The following ACTA2 variants were observed in gnomAD, a reference collection of about 807,000 sequenced individuals.
The protein encoded by ACTA2 is actin alpha 2, smooth muscle, also known as actin, aortic smooth muscle.
Under a neutral mutation model 39.5 loss-of-function variants are expected in ACTA2, and 12 were observed. The ratio of observed to expected loss-of-function variants is 0.30; its 90% CI spans 0.19 to 0.49. The LOEUF (loss-of-function observed/expected upper bound fraction) is 0.49, where lower values mean the gene tolerates loss of function less well. ACTA2 is among the 20% of genes least tolerant of loss of function. The probability of loss-of-function intolerance (pLI) is 0.99; values close to 1 mark genes in which losing one functional copy is unlikely to be tolerated. For missense variants in ACTA2, 236 were observed against 498.8 expected (o/e 0.47, Z 5.02); for synonymous variants, 158 against 180.6 (o/e 0.88, Z 1.00).
intron 4 of ACTA2, 91 bp downstream of exon 4, chr10:88,943,706 T>C: frequency 9.3e-7 from 1 of 1,075,776 alleles, no homozygotes; most frequent in Middle Eastern, 2.2e-4. Context: ...GACTCCTAGC[T>C]CCGGCCTTCT....
chr10:88,935,524 A>C, intron 8 of ACTA2, 158 bp from the exon 9 acceptor site: 1 of 810,368 alleles, frequency 1.2e-6, no homozygotes, highest in Non-Finnish European at 2.0e-6. Context: ...TAATTGTGTC[A>C]TGTTCTTGGC....
chr10:88,940,393 T>C (rs1845826484), intron 6 of ACTA2: 1 of 156,018 alleles, frequency 6.4e-6, no homozygotes, highest in South Asian at 1.9e-4. Context: ...GGATTCTTTG[T>C]AGGGAGCAGA....
chr10:88,941,222 GC>G lies in ACTA2; in HGVS notation c.616+6del. On this transcript the variant is annotated splice_donor_region_variant and intron_variant, in intron 6 of 8. Transcript: ENST00000224784. ...CCCCTCTCCCCCTTATCTCCCACAG[GC>G]CTCACCAGTAGTAACGAAGGAATAG... 2 of 1,613,802 alleles carry G rather than the reference GC, an allele frequency of 1.2e-6. No individual in the cohort carries two copies. The highest frequency in any genetic ancestry group is 3.3e-5 in the Admixed American group (2 of 60,010).
chr10:88,982,729 A>G (rs1846741960), intron 1 of ACTA2, among the ~76,000 whole-genome samples: 1 of 152,202 alleles, frequency 6.6e-6, no homozygotes, highest in Non-Finnish European at 1.5e-5. Flanking sequence ...CTGCTAAGTA[A>G]AAATTCAGCC....
chr10:88,980,705 C>G (rs557508831), intron 1 of ACTA2, among the ~76,000 whole-genome samples: 6 of 152,290 alleles, frequency 3.9e-5, no homozygotes, highest in East Asian at 3.9e-4. Flanking sequence ...AAATGTCCCC[C>G]CTCTGGAGCA....
At chr10:88,988,647 G>A (rs1359985134) in intron 1 of ACTA2, among the ~76,000 whole-genome samples, 1 of 152,044 alleles carries the variant, frequency 6.6e-6, no homozygotes, top group African/African-American at 2.4e-5. Context: ...GCCCTTGAAG[G>A]CCTGAGGACT....
At chr10:88,976,406 C>T (rs1176694459) in intron 1 of ACTA2, among the ~76,000 whole-genome samples, 1 of 152,122 alleles carries the variant, frequency 6.6e-6, no homozygotes, top group Non-Finnish European at 1.5e-5. Flanking sequence ...TAGTCTCTAA[C>T]AAAAGGATTG....
At chr10:88,963,877 G>T (rs909723836) in intron 1 of ACTA2, among the ~76,000 whole-genome samples, 7 of 151,960 alleles carry the variant, frequency 4.6e-5, no homozygotes, top group African/African-American at 1.7e-4. Flanking sequence ...CTTTTTTTCT[G>T]CATGTCCACA....
rs768241834 is a variant in ACTA2 at position 88,939,707 on chromosome 10, C to A, written c.617-9G>T. On this transcript the variant is annotated splice_polypyrimidine_tract_variant and intron_variant, in intron 6 of 8. Coordinates refer to ENST00000224784, the MANE Select transcript of ACTA2 (RefSeq NM_001613.4). Reference sequence around the variant, plus strand: ...GACAATCTCACGCTCAGCTGTCAACCAGATACAAACATTGTGGCAAACATT... The same window carrying A: ...GACAATCTCACGCTCAGCTGTCAACAAGATACAAACATTGTGGCAAACATT... The A allele has an allele frequency of 1.2e-6, 2 of 1,613,702 alleles. No individual in the cohort carries two copies. Among genetic ancestry groups the A allele is most frequent in the East Asian group, 2.2e-5 (1 of 44,774 alleles).
intron 1 of ACTA2, among the ~76,000 whole-genome samples, chr10:88,986,591 CA>C (rs1472113013): frequency 2.0e-5 from 3 of 152,034 alleles, no homozygotes; most frequent in Non-Finnish European, 2.9e-5. Flanking sequence ...GGCTTTAGGA[CA>C]CTTTTCTTAG....
At chr10:88,968,851 T>G (rs1846370160) in intron 1 of ACTA2, among the ~76,000 whole-genome samples, 1 of 152,156 alleles carries the variant, frequency 6.6e-6, no homozygotes, top group African/African-American at 2.4e-5. Flanking sequence ...ATTCATCCCT[T>G]TTAAAGCCTT....
chr10:88,977,257 G>C (rs954273180), intron 1 of ACTA2, among the ~76,000 whole-genome samples: 4 of 151,550 alleles, frequency 2.6e-5, no homozygotes, highest in African/African-American at 9.7e-5. Context: ...GTCCTGAATG[G>C]TAATGCCTAG....
At chr10:88,963,739 T>C (rs771902048) in intron 1 of ACTA2, among the ~76,000 whole-genome samples, 37 of 152,126 alleles carry the variant, frequency 2.4e-4, no homozygotes, top group Non-Finnish European at 5.3e-4. Context: ...GGCATTACCA[T>C]TTTGGGTCAA....
At chr10:88,944,016 T>C in intron 3 of ACTA2, 109 bp from the exon 4 acceptor site, 1 of 893,580 alleles carries the variant, frequency 1.1e-6, no homozygotes, top group Non-Finnish European at 1.8e-6. Context: ...AAGGAAATGC[T>C]ACAAGTACTC....
chr10:88,962,955 ATATATATATATATATATATATAATATT>A (rs1258053763), intron 1 of ACTA2, among the ~76,000 whole-genome samples: 7 of 26,430 alleles, frequency 2.6e-4, no homozygotes, highest in African/African-American at 2.4e-3. Flanking sequence ...ATATATATAT[ATATATATATATATATATATATAATATT>A]TTTTTTTTTG....
At chr10:88,989,361 G>T (rs1290169675) in intron 1 of ACTA2, 19 of 271,426 alleles carry the variant, frequency 7.0e-5, no homozygotes, top group South Asian at 1.4e-4. Flanking sequence ...TTATTTAAAT[G>T]AACTTTTCAT....
At chr10:88,972,638 T>C (rs1846474376) in intron 1 of ACTA2, among the ~76,000 whole-genome samples, 1 of 152,192 alleles carries the variant, frequency 6.6e-6, no homozygotes, top group African/African-American at 2.4e-5. Context: ...CTCTAGGGAT[T>C]ACAATATACA....
At chr10:88,966,389 G>A (rs941779788) in intron 1 of ACTA2, among the ~76,000 whole-genome samples, 44 of 152,174 alleles carry the variant, frequency 2.9e-4, no homozygotes, top group Admixed American at 1.2e-3. Flanking sequence ...CTGATTGTCT[G>A]TGTGGCTTTG....
intron 1 of ACTA2, among the ~76,000 whole-genome samples, chr10:88,986,157 C>T (rs1417933213): frequency 1.3e-5 from 2 of 152,090 alleles, no homozygotes; most frequent in Non-Finnish European, 1.5e-5. Flanking sequence ...GTTGAAGAAA[C>T]ATTGCCTTAA....
Sources: gnomAD v4.1 joint callset for allele counts (sites outside exome capture counted in the v4.1 genomes callset) on GRCh38, gnomAD v4.1.1 for gene constraint, MANE v1.5 for transcripts, NCBI Gene and HGNC (gene_info 2026-07-23, HGNC 2026-07-21) for gene names.